Variants in CNST observed in about 807,000 individuals in gnomAD.
CNST encodes consortin, connexin sorting protein.
In CNST, 39 loss-of-function variants were observed where a neutral mutation model predicts 72.4. The observed-to-expected ratio is 0.54, with a 90% CI of 0.42 to 0.70. CNST has a LOEUF of 0.70. CNST is among the 30% of genes least tolerant of loss of function. The pLI is 0.00. For synonymous variants in CNST, 332 were observed against 320.1 expected, an observed-to-expected ratio of 1.04 and a Z score of -0.40; for missense variants, 871 against 868.5, an observed-to-expected ratio of 1.00 and a Z score of -0.04.
At chr1:246,625,420 T>C (rs1019077325) in intron 3 of CNST, among the ~76,000 whole-genome samples, 286 of 132,736 alleles carry the variant, frequency 2.2e-3, no homozygotes, top group African/African-American at 7.4e-3. Context: ...CTTTCTTTTT[T>C]TTTTTTTTTT....
intron 9 of CNST, among the ~76,000 whole-genome samples, chr1:246,659,513 T>A (rs986143865): frequency 6.6e-6 from 1 of 151,596 alleles, no homozygotes; most frequent in Non-Finnish European, 1.5e-5. Flanking sequence ...GAGAACGGCA[T>A]GAACCCGGGA....
intron 8 of CNST, among the ~76,000 whole-genome samples, chr1:246,645,741 T>G (rs902339451): frequency 2.0e-5 from 3 of 152,060 alleles, no homozygotes; most frequent in African/African-American, 7.2e-5. Context: ...AGGTTAAAGC[T>G]TCTAAAATAG....
chr1:246,618,891 G>A (rs1663869341), intron 2 of CNST, among the ~76,000 whole-genome samples: 1 of 152,088 alleles, frequency 6.6e-6, no homozygotes, highest in Admixed American at 6.6e-5. Flanking sequence ...TTTGGAAAGG[G>A]AGTCATCAAT....
Position 246,566,458 on chromosome 1 carries a change from G to A in CNST, c.-257G>A, listed in dbSNP as rs1351100720. ...TAGCCGCCAGTGCTCTATGCTCCGC[G>A]GTCGCGGGCCGCCAGCCTCCAGCCG... On this transcript the variant is annotated 5_prime_UTR_variant, in exon 1 of 11. Transcript: ENST00000366513. The A allele has an allele frequency of 1.6e-5, 7 of 443,694 alleles. No individual in the cohort carries two copies. The highest frequency in any genetic ancestry group is 3.8e-5 in the Admixed American group (1 of 26,354). 27.5% of individuals were successfully genotyped at this position (443,694 alleles called of 1,614,324 possible).
intron 1 of CNST, among the ~76,000 whole-genome samples, chr1:246,591,233 G>A (rs1661527357): frequency 6.6e-6 from 1 of 152,146 alleles, no homozygotes; most frequent in Admixed American, 6.5e-5. Context: ...TGGTGCCTAG[G>A]TTCCATCCTC....
At chr1:246,633,603 C>T (rs142033975) in intron 4 of CNST, among the ~76,000 whole-genome samples, 1,980 of 151,944 alleles carry the variant, frequency 0.013, 17 homozygotes, top group Middle Eastern at 0.037. Flanking sequence ...ATCAGCCAGG[C>T]GCAGTGGTAG....
chr1:246,580,791 A>G (rs1310056789), intron 1 of CNST, among the ~76,000 whole-genome samples: 2 of 151,704 alleles, frequency 1.3e-5, no homozygotes, highest in Admixed American at 6.6e-5. Flanking sequence ...CCCAGGCTAG[A>G]GTGCAGTATC....
chr1:246,622,791 G>A lies in CNST; in HGVS notation c.585+1157G>A, dbSNP rs1558566267. Among the ~76,000 whole-genome samples the A allele has an allele frequency of 3.3e-5, 5 of 151,928 alleles. No homozygotes were observed. In the South Asian group the frequency reaches 8.3e-4, roughly 25 times the overall value. On this transcript the variant is annotated intron_variant, in intron 3 of 10. Transcript: ENST00000366513. The stretch of plus-strand genomic sequence containing the variant: ...TAATTCAGAAGAAATTAAGATATTT[G>A]AGCTGCATCTTATTTTTTATTGTAT...
intron 9 of CNST, among the ~76,000 whole-genome samples, chr1:246,649,160 TG>T (rs77138353): frequency 0.015 from 1,390 of 90,346 alleles, 47 homozygotes; most frequent in East Asian, 0.11. Flanking sequence ...ACTGTTGTTT[TG>T]TTTTTTTTTT....
At chr1:246,657,208 C>T (rs3129560) in intron 9 of CNST, among the ~76,000 whole-genome samples, 4,335 of 152,174 alleles carry the variant, frequency 0.028, 83 homozygotes, top group South Asian at 0.045. Context: ...CCAAAACTCT[C>T]GCAAAAATAG....
At chr1:246,625,490 T>C (rs1470125699) in intron 3 of CNST, among the ~76,000 whole-genome samples, 1 of 139,310 alleles carries the variant, frequency 7.2e-6, no homozygotes, top group Non-Finnish European at 1.5e-5. Flanking sequence ...GGCGTGATCT[T>C]GGCCCACTGT....
At chr1:246,616,287 G>A (rs963883520) in intron 2 of CNST, among the ~76,000 whole-genome samples, 8 of 152,046 alleles carry the variant, frequency 5.3e-5, no homozygotes, top group Non-Finnish European at 7.4e-5. Context: ...GGTGGCTGGC[G>A]CCTGTACTCC....
Position 246,578,288 on chromosome 1 carries a change from A to T in CNST, c.-52+11625A>T, listed in dbSNP as rs1012210137. ...TTCGAGACAGTGTCTACTAAATACCAAATAAGTTACAGTGCTTTAAAATAA... is the reference window on the plus strand; with the variant it reads ...TTCGAGACAGTGTCTACTAAATACCTAATAAGTTACAGTGCTTTAAAATAA... On this transcript the variant is annotated intron_variant, in intron 1 of 10. Coordinates refer to ENST00000366513, the MANE Select transcript of CNST (RefSeq NM_152609.3). Among the ~76,000 whole-genome samples the T allele has an allele frequency of 2.6e-5, 4 of 152,232 alleles. No homozygotes were observed. In the East Asian group the frequency reaches 7.7e-4, roughly 29 times the overall value.
Position 246,665,986 on chromosome 1 carries a change from G to A in CNST, c.*81G>A. 1 of 998,664 alleles carries A rather than the reference G, an allele frequency of 1.0e-6. No individual in the cohort carries two copies. Among genetic ancestry groups the A allele is most frequent in the African/African-American group, 1.6e-5 (1 of 62,630 alleles). The allele number at this position is 998,664 out of a possible 1,614,324, so 61.9% of individuals were successfully genotyped here. A position where few individuals can be genotyped will look rare whatever the true frequency, so the allele number is the denominator to read the frequency against. ...AAACAGTTTTTCTTTCAGGAATTCT[G>A]TAGCATTCCCCCTTCCCTCTGTTAG... On this transcript the variant is annotated 3_prime_UTR_variant, in exon 11 of 11. Transcript: ENST00000366513.
intron 6 of CNST, among the ~76,000 whole-genome samples, chr1:246,639,657 A>G (rs936326150): frequency 6.6e-6 from 1 of 152,192 alleles, no homozygotes; most frequent in African/African-American, 2.4e-5. Context: ...GGAGGTGGAC[A>G]GTTTTAGGAA....
At chr1:246,648,400 A>G (rs1371496369) in intron 9 of CNST, among the ~76,000 whole-genome samples, 1 of 152,162 alleles carries the variant, frequency 6.6e-6, no homozygotes, top group Non-Finnish European at 1.5e-5. Flanking sequence ...TCATACATCT[A>G]GCAGATAAAA....
intron 2 of CNST, among the ~76,000 whole-genome samples, chr1:246,600,815 G>C (rs1662237582): frequency 6.6e-6 from 1 of 152,142 alleles, no homozygotes; most frequent in Admixed American, 6.5e-5. Flanking sequence ...ATACAGATTT[G>C]GGAGAGTTGC....
chr1:246,662,492 G>A (rs1017462711), intron 10 of CNST, among the ~76,000 whole-genome samples: 3 of 152,172 alleles, frequency 2.0e-5, no homozygotes, highest in African/African-American at 7.2e-5. Context: ...GAGTTCAAGC[G>A]ATTCTTCTGC....
chr1:246,634,619 T>A, intron 6 of CNST, 32 bp downstream of exon 6: 2 of 1,167,090 alleles, frequency 1.7e-6, no homozygotes, highest in Non-Finnish European at 2.5e-6. Flanking sequence ...TAGAATGAGT[T>A]GGAGTAGAAT....
Sources: gnomAD v4.1 joint callset for allele counts (sites outside exome capture counted in the v4.1 genomes callset) on GRCh38, gnomAD v4.1.1 for gene constraint, MANE v1.5 for transcripts, NCBI Gene and HGNC (gene_info 2026-07-23, HGNC 2026-07-21) for gene names.